Variants in AKAP7 observed in about 807,000 individuals in gnomAD.
AKAP7 encodes the protein A-kinase anchoring protein 7, also known as A kinase (PRKA) anchor protein 7.
Under a neutral mutation model 39.5 loss-of-function variants are expected in AKAP7, and 39 were observed. The observed-to-expected ratio is 0.99, with a 90% CI of 0.76 to 1.29. AKAP7 has a LOEUF of 1.29. Ranked by LOEUF, AKAP7 falls within the 50% of genes most tolerant of loss-of-function variation. The pLI, the probability that AKAP7 is intolerant of heterozygous loss-of-function variation, is 0.00. For synonymous variants in AKAP7, 140 were observed against 139.1 expected, an observed-to-expected ratio of 1.01 and a Z score of -0.05; for missense variants, 414 against 407.7, an observed-to-expected ratio of 1.02 and a Z score of -0.13.
chr6:131,143,738 CTT>C (rs768597844), intron 1 of AKAP7, among the ~76,000 whole-genome samples: 9 of 142,912 alleles, frequency 6.3e-5, no homozygotes, highest in Admixed American at 1.4e-4. Flanking sequence ...TAGCCATATT[CTT>C]TTTTTTTTTT....
chr6:131,232,769 G>C (rs1810730814), intron 7 of AKAP7, among the ~76,000 whole-genome samples: 1 of 152,004 alleles, frequency 6.6e-6, no homozygotes, highest in Non-Finnish European at 1.5e-5. Context: ...TCTAGTTTGA[G>C]GGACAAAGCA....
intron 5 of AKAP7, chr6:131,184,192 C>T: frequency 2.6e-6 from 1 of 381,468 alleles, no homozygotes; most frequent in Non-Finnish European, 5.0e-6. Context: ...CTGCCAAAGG[C>T]AGGCTAGAAC....
chr6:131,169,056 G>T, intron 4 of AKAP7, 57 bp from the exon 5 acceptor site: 2 of 1,411,094 alleles, frequency 1.4e-6, no homozygotes, highest in South Asian at 1.3e-5. Context: ...TATCTTATTT[G>T]GTTTTGTATA....
chr6:131,250,266 G>A, intron 7 of AKAP7: 2 of 1,178,302 alleles, frequency 1.7e-6, no homozygotes, highest in Non-Finnish European at 2.1e-6. Context: ...ACTGACCTAT[G>A]GCCAGGGACT....
intron 7 of AKAP7, among the ~76,000 whole-genome samples, chr6:131,265,922 T>C (rs1191094410): frequency 1.3e-5 from 2 of 152,096 alleles, no homozygotes; most frequent in Non-Finnish European, 2.9e-5. Context: ...ACTAAAAGGA[T>C]CCATAAATAT....
At chr6:131,162,584 T>G (rs1393384138) in intron 3 of AKAP7, among the ~76,000 whole-genome samples, 2 of 152,202 alleles carry the variant, frequency 1.3e-5, no homozygotes, top group Non-Finnish European at 2.9e-5. Flanking sequence ...CTTCAGGATT[T>G]TCCCATCGAT....
intron 7 of AKAP7, among the ~76,000 whole-genome samples, chr6:131,241,627 G>GTGTGTGTGTGTGTGTGTGTGTGTATA: frequency 2.3e-5 from 2 of 86,638 alleles, no homozygotes; most frequent in African/African-American, 5.0e-5. Flanking sequence ...GTGTGTGTGT[G>GTGTGTGTGTGTGTGTGTGTGTGTATA]TATATATATA....
In AKAP7 at chr6:131,219,677, A is replaced by G. The variant is rs757773619; in HGVS notation, c.719A>G (p.Asp240Gly). ...CATTTCAAGGGAGTGAAAAAAATAG[A>G]TCCTGATTTATATGAAAAGTTTATC... ...WLRKNGVKKI[D>G]PDLYEKFISH... Residue 240 changes from aspartate (D) to glycine (G), a missense_variant, in exon 7 of 8, where the codon GAT becomes GGT. Coordinates refer to ENST00000431975, the MANE Select transcript of AKAP7 (RefSeq NM_016377.4). The G allele has an allele frequency of 1.3e-6, 2 of 1,596,212 alleles. No individual in the cohort carries two copies. The highest frequency in any genetic ancestry group is 1.8e-5 in the Admixed American group (1 of 56,336).
chr6:131,191,940 A>C (rs1806451389), intron 5 of AKAP7, among the ~76,000 whole-genome samples: 2 of 150,116 alleles, frequency 1.3e-5, no homozygotes, highest in African/African-American at 4.9e-5. Flanking sequence ...ATGCCTGGCT[A>C]ATTTTCATAT....
chr6:131,156,169 A>G (rs1373165255), intron 2 of AKAP7, among the ~76,000 whole-genome samples: 1 of 152,104 alleles, frequency 6.6e-6, no homozygotes, highest in Non-Finnish European at 1.5e-5. Context: ...GATAGCTGCC[A>G]GATTCACCAT....
chr6:131,150,277 T>C (rs1010303969), intron 2 of AKAP7, among the ~76,000 whole-genome samples: 3 of 152,198 alleles, frequency 2.0e-5, no homozygotes, highest in Non-Finnish European at 2.9e-5. Context: ...TTTGGAGATA[T>C]GGGAAATCGT....
chr6:131,145,538 T>C (rs1801414664), intron 2 of AKAP7, 122 bp downstream of exon 2: 12 of 608,656 alleles, frequency 2.0e-5, no homozygotes, highest in Non-Finnish European at 2.6e-5. Context: ...GTTTTAATTT[T>C]GATTTCATTT....
At chr6:131,231,298 T>G (rs1810603020) in intron 7 of AKAP7, among the ~76,000 whole-genome samples, 1 of 152,126 alleles carries the variant, frequency 6.6e-6, no homozygotes, top group Non-Finnish European at 1.5e-5. Flanking sequence ...CATCATTATG[T>G]GAAATAGATA....
intron 3 of AKAP7, among the ~76,000 whole-genome samples, chr6:131,164,799 A>C (rs1803318325): frequency 6.6e-6 from 1 of 152,202 alleles, no homozygotes; most frequent in Non-Finnish European, 1.5e-5. Context: ...AGGTTTTTCC[A>C]GTCAGATAGC....
At position 131,169,239 on chromosome 6, in the gene AKAP7, A is replaced by G. The variant is rs966712832; in HGVS notation, c.555A>G (p.Glu185=). 1.9e-6 allele frequency: 3 copies of G among 1,614,122 alleles called. No homozygotes were observed. Among genetic ancestry groups the G allele is most frequent in the African/African-American group, 1.3e-5 (1 of 75,062 alleles). The change falls in exon 5 of 8, where the codon GAA becomes GAG. Residue 185 remains glutamate (E), a synonymous_variant. Coordinates refer to ENST00000431975, the MANE Select transcript of AKAP7 (RefSeq NM_016377.4). The part of the protein sequence containing the change: ...GNQVGFVKLA[E]GDHVNSLLEI... ...AGGTTGGATTTGTGAAGCTGGCAGA[A>G]GGAGATCATGTAAACTCACTTTTGG...
In AKAP7 at chr6:131,135,693, C is replaced by T. The variant is rs887823197; in HGVS notation, c.-71C>T. 2 of 1,151,712 alleles carry T rather than the reference C, an allele frequency of 1.7e-6. No homozygotes were observed. The highest frequency in any genetic ancestry group is 4.1e-5 in the South Asian group (1 of 24,164). The allele number at this position is 1,151,712 out of a possible 1,614,324, so 71.3% of individuals were successfully genotyped here. On this transcript the variant is annotated 5_prime_UTR_variant, in exon 1 of 8. Coordinates refer to ENST00000431975, the MANE Select transcript of AKAP7 (RefSeq NM_016377.4). ...CCTGGCCTCCGCCTCGGCCTCGCCT[C>T]CAGCCCCGGGACGCGGCCCGCCACC...
At chr6:131,161,412 AGGT>A (rs1802931356) in intron 3 of AKAP7, among the ~76,000 whole-genome samples, 1 of 151,994 alleles carries the variant, frequency 6.6e-6, no homozygotes, top group Non-Finnish European at 1.5e-5. Flanking sequence ...TGGGAAGCTG[AGGT>A]GGATGGATCC....
rs192856928 is a variant in AKAP7 at position 131,188,145 on chromosome 6, A to G, written c.590-11316A>G. On this transcript the variant is annotated intron_variant, in intron 5 of 7. Transcript: ENST00000431975. ...AAAATTCTACTTGTCAGTTTTACAC[A>G]GTAATCAACTGGAAATATCTATTTA... 2.8e-3 allele frequency among the ~76,000 whole-genome samples: 420 copies of G among 152,310 alleles called. 1 individual carries two copies. The highest frequency in any genetic ancestry group is 9.6e-3 in the African/African-American group (401 of 41,558).
chr6:131,188,952 A>G (rs1313868931), intron 5 of AKAP7, among the ~76,000 whole-genome samples: 2 of 152,194 alleles, frequency 1.3e-5, no homozygotes, highest in East Asian at 1.9e-4. Context: ...TAATAAACCT[A>G]TTGTAACTTG....
Sources: gnomAD v4.1 joint callset for allele counts (sites outside exome capture counted in the v4.1 genomes callset) on GRCh38, gnomAD v4.1.1 for gene constraint, MANE v1.5 for transcripts, NCBI Gene and HGNC (gene_info 2026-07-23, HGNC 2026-07-21) for gene names.